The following ADH1B variants were observed in gnomAD, a reference collection of about 807,000 sequenced individuals.
ADH1B encodes all-trans-retinol dehydrogenase [NAD(+)] ADH1B.
ADH1B carries 29 observed loss-of-function variants against 34.6 expected under a neutral mutation model. The observed-to-expected ratio is 0.84, with a 90% CI of 0.62 to 1.14. The LOEUF (loss-of-function observed/expected upper bound fraction) is 1.14, where lower values mean the gene tolerates loss of function less well. ADH1B is among the 50% of genes most tolerant of loss of function. ADH1B has a pLI of 0.00. For missense variants in ADH1B, 424 were observed against 468.4 expected (o/e 0.91, Z 0.87); for synonymous variants, 170 against 175.5 (o/e 0.97, Z 0.25).
rs1402421812 is a variant in ADH1B at position 99,318,039 on chromosome 4, C to T, written c.259+7G>A. On this transcript the variant is annotated splice_region_variant and intron_variant, in intron 3 of 8. Transcript: ENST00000305046. ...CCACACGTGTTCCCTGAGTGTGAAT[C>T]CTGTACCTGGTTTGACTGTAGTCAC... 3 of 1,613,806 alleles carry T rather than the reference C, an allele frequency of 1.9e-6. No individual in the cohort carries two copies. Among genetic ancestry groups the T allele is most frequent in the Non-Finnish European group, 1.7e-6 (2 of 1,179,880 alleles).
intron 8 of ADH1B, chr4:99,310,252 A>G: frequency 6.0e-6 from 2 of 335,090 alleles, no homozygotes; most frequent in South Asian, 4.8e-5. Flanking sequence ...ATTTTTTCTT[A>G]AACTACAAAA....
rs1160778544 is a variant in ADH1B at position 99,305,665 on chromosome 4, T to C, written c.*2175A>G. 6.8e-6 allele frequency: 1 copy of C among 146,644 alleles called. No homozygotes were observed. The highest frequency in any genetic ancestry group is 2.2e-4 in the South Asian group (1 of 4,580). The allele number at this position is 146,644 out of a possible 1,614,324, so 9.1% of individuals were successfully genotyped here. A position where few individuals can be genotyped will look rare whatever the true frequency, so the allele number is the denominator to read the frequency against. On this transcript the variant is annotated 3_prime_UTR_variant, in exon 9 of 9. Coordinates refer to ENST00000305046, the MANE Select transcript of ADH1B (RefSeq NM_000668.6). ...CATAGTAAATTTTCTTTTTTCATAG[T>C]GCATGATGCAGAAGGCTCCCACATG...
In ADH1B at chr4:99,305,671, A is replaced by C. The variant is rs2110625515; in HGVS notation, c.*2169T>G. On this transcript the variant is annotated 3_prime_UTR_variant, in exon 9 of 9. Transcript: ENST00000305046. ...AAATTTTCTTTTTTCATAGTGCATG[A>C]TGCAGAAGGCTCCCACATGCCACTC... 1 of 147,244 alleles carries C rather than the reference A, an allele frequency of 6.8e-6. No homozygotes were observed. Among genetic ancestry groups the C allele is most frequent in the East Asian group, 2.0e-4 (1 of 4,974 alleles). The allele number at this position is 147,244 out of a possible 1,614,324, so 9.1% of individuals were successfully genotyped here. A position where few individuals can be genotyped will look rare whatever the true frequency, so the allele number is the denominator to read the frequency against.
chr4:99,307,380 C>T lies in ADH1B; in HGVS notation c.*460G>A, dbSNP rs1457143027. 1.1e-5 allele frequency: 2 copies of T among 181,320 alleles called. No individual in the cohort carries two copies. Among genetic ancestry groups the T allele is most frequent in the Admixed American group, 6.4e-5 (1 of 15,734 alleles). 11.2% of individuals were successfully genotyped at this position (181,320 alleles called of 1,614,324 possible). A position where few individuals can be genotyped will look rare whatever the true frequency, so the allele number is the denominator to read the frequency against. Reference sequence around the variant, plus strand: ...TAGCTTTTACCCCAGGGATTTGGTACATTTTTATTAGAAAAAGGAAAATGT... The same window carrying T: ...TAGCTTTTACCCCAGGGATTTGGTATATTTTTATTAGAAAAAGGAAAATGT... On this transcript the variant is annotated 3_prime_UTR_variant, in exon 9 of 9. Transcript: ENST00000305046.
chr4:99,318,318 A>G (rs1269706852), intron 2 of ADH1B, 134 bp from the exon 3 acceptor site: 1 of 1,197,744 alleles, frequency 8.3e-7, no homozygotes, highest in African/African-American at 1.5e-5. Flanking sequence ...ATTCCTAAAT[A>G]TGAAAGATTC....
At position 99,307,538 on chromosome 4, in the gene ADH1B, A is replaced by C; in HGVS notation, c.*302T>G. ...AGATTATGAAGATACCAAAAATGCA[A>C]GAAGTCACAGGAATATTTTTCCTCA... On this transcript the variant is annotated 3_prime_UTR_variant, in exon 9 of 9. Transcript: ENST00000305046. 2.4e-6 allele frequency: 1 copy of C among 417,758 alleles called. No individual in the cohort carries two copies. The allele number at this position is 417,758 out of a possible 1,614,324, so 25.9% of individuals were successfully genotyped here. A position where few individuals can be genotyped will look rare whatever the true frequency, so the allele number is the denominator to read the frequency against.
chr4:99,316,115 A>C lies in ADH1B; in HGVS notation c.350T>G (p.Leu117Arg). 6.2e-7 allele frequency: 1 copy of C among 1,614,186 alleles called. No individual in the cohort carries two copies. Among genetic ancestry groups the C allele is most frequent in the Non-Finnish European group, 8.5e-7 (1 of 1,180,014 alleles). ...PESNYCLKND[L>R]GNPRGTLQDG... is the part of the protein sequence containing the mutation. ...CTGCAGGGTCCCCCGAGGATTGCCT[A>C]GACTGGGCAGTGCAATACACAGACA... is the stretch of plus-strand genomic sequence containing the variant. Residue 117 changes from leucine (L) to arginine (R), a missense_variant and splice_region_variant, in exon 5 of 9, where the codon CTA becomes CGA. Physicochemically the swap from Leu to Arg is moderately radical, Grantham distance 102. Around this residue, in one of 3 missense-constraint regions of ADH1B, gnomAD observed 291 missense variants for 300.4 expected, o/e 0.97. Transcript: ENST00000305046.
rs1733607594 is a variant in ADH1B, at chr4:99,306,232, C to T, written c.*1608G>A. 6.6e-6 allele frequency: 1 copy of T among 152,240 alleles called. No individual in the cohort carries two copies. Among genetic ancestry groups the T allele is most frequent in the African/African-American group, 2.4e-5 (1 of 41,438 alleles). The allele number at this position is 152,240 out of a possible 1,614,324, so 9.4% of individuals were successfully genotyped here. ...TGTTGACCAGGCTGGTCTCAAACTC[C>T]TGACCTCAGGTCATCCACCCGTCTT... On this transcript the variant is annotated 3_prime_UTR_variant, in exon 9 of 9. Transcript: ENST00000305046.
intron 6 of ADH1B, among the ~76,000 whole-genome samples, chr4:99,311,986 C>A (rs1733765646): frequency 6.6e-6 from 1 of 152,206 alleles, no homozygotes; most frequent in Non-Finnish European, 1.5e-5. Context: ...TGTCTCCTGT[C>A]CACTTGACGG....
Position 99,315,906 on chromosome 4 carries a change from C to T in ADH1B, c.559G>A (p.Val187Ile), listed in dbSNP as rs569382095. 9.9e-5 allele frequency: 160 copies of T among 1,614,220 alleles called. 2 individuals are homozygous for T. The South Asian group carries it at 1.6e-3, about 16-fold the overall frequency. Reference sequence around the variant, plus strand: ...CCCATTGTCATTCTCACCTTGGCAACGTTAACTGCAGACCCATAACCAGTC... The same window carrying T: ...CCCATTGTCATTCTCACCTTGGCAATGTTAACTGCAGACCCATAACCAGTC... ...FSTGYGSAVNVAKVTPGSTCA... is the reference protein window; with the variant it reads ...FSTGYGSAVNIAKVTPGSTCA... Residue 187 changes from valine to isoleucine, a missense_variant, in exon 5 of 9, where the codon GTT becomes ATT. Physicochemically the swap from Val to Ile is conservative, Grantham distance 29. This residue lies in a region of ADH1B where 291 missense variants were observed against 300.4 expected (regional missense o/e 0.97). Coordinates refer to ENST00000305046, the MANE Select transcript of ADH1B (RefSeq NM_000668.6).
chr4:99,307,758 A>G lies in ADH1B; in HGVS notation c.*82T>C. 2 of 1,502,420 alleles carry G rather than the reference A, an allele frequency of 1.3e-6. No individual in the cohort carries two copies. The highest frequency in any genetic ancestry group is 1.1e-5 in the South Asian group (1 of 88,260). The allele number at this position is 1,502,420 out of a possible 1,614,324, so 93.1% of individuals were successfully genotyped here. On this transcript the variant is annotated 3_prime_UTR_variant, in exon 9 of 9. Coordinates refer to ENST00000305046, the MANE Select transcript of ADH1B (RefSeq NM_000668.6). ...ATAACATCTCTGAAGAGCTGAATTA[A>G]TGATATTTCCTAGCTGTTGCTCCAG...
intron 1 of ADH1B, 40 bp downstream of exon 1, chr4:99,321,271 TTGA>T: frequency 6.5e-7 from 1 of 1,534,604 alleles, no homozygotes; most frequent in Non-Finnish European, 9.0e-7. Context: ...CTTTGTTATA[TTGA>T]TGAGAATATA....
intron 1 of ADH1B, chr4:99,320,077 G>T (rs1037488798): frequency 6.6e-6 from 1 of 152,030 alleles, no homozygotes; most frequent in South Asian, 2.1e-4. Context: ...AGTTTTTGGG[G>T]TGCAGATGGT....
At position 99,306,402 on chromosome 4, in the gene ADH1B, T is replaced by G. The variant is rs1006926824; in HGVS notation, c.*1438A>C. On this transcript the variant is annotated 3_prime_UTR_variant, in exon 9 of 9. Transcript: ENST00000305046. Reference sequence around the variant, plus strand: ...AGCTCTTTCATTAACATCATCCCATTTAATCTTGGTTAAGCTGTAATGGAT... The same window carrying G: ...AGCTCTTTCATTAACATCATCCCATGTAATCTTGGTTAAGCTGTAATGGAT... The G allele has an allele frequency of 6.6e-5, 10 of 152,206 alleles. No homozygotes were observed. Among genetic ancestry groups the G allele is most frequent in the African/African-American group, 2.4e-4 (10 of 41,446 alleles). The allele number at this position is 152,206 out of a possible 1,614,324, so 9.4% of individuals were successfully genotyped here.
intron 6 of ADH1B, 42 bp downstream of exon 6, chr4:99,313,779 G>C: frequency 6.2e-6 from 10 of 1,613,918 alleles, no homozygotes; most frequent in Non-Finnish European, 8.5e-6. Context: ...GCATCTTCCA[G>C]GTTGCAGAGG....
intron 3 of ADH1B, 121 bp downstream of exon 3, chr4:99,317,925 G>T: frequency 6.6e-7 from 1 of 1,508,752 alleles, no homozygotes; most frequent in Non-Finnish European, 8.9e-7. Flanking sequence ...AACTCCTGAA[G>T]TCCTGGCTGC....
intron 8 of ADH1B, among the ~76,000 whole-genome samples, chr4:99,309,596 A>G (rs945117150): frequency 4.6e-5 from 7 of 152,316 alleles, no homozygotes; most frequent in African/African-American, 1.4e-4. Flanking sequence ...CAATGGTAAT[A>G]ATAATGACTG....
intron 3 of ADH1B, chr4:99,316,513 C>T (rs569552041): frequency 1.3e-5 from 8 of 609,510 alleles, no homozygotes; most frequent in South Asian, 6.4e-5. Flanking sequence ...ACTGAGAAAT[C>T]GCAAATGTGG....
chr4:99,316,754 T>C (rs1476521044), intron 3 of ADH1B: 4 of 152,320 alleles, frequency 2.6e-5, no homozygotes, highest in African/African-American at 7.2e-5. Context: ...TGATTTACAA[T>C]AAATATGAGA....
Sources: gnomAD v4.1 joint callset for allele counts (sites outside exome capture counted in the v4.1 genomes callset) on GRCh38, gnomAD v4.1.1 for gene constraint, gnomAD v4.1.1 regional missense constraint, MANE v1.5 for transcripts, NCBI Gene and HGNC (gene_info 2026-07-23, HGNC 2026-07-21) for gene names.